GON4L: variants seen among roughly 807,000 people sequenced by gnomAD.
GON4L encodes GON-4-like protein.
A neutral mutation model predicts 211.8 loss-of-function variants in GON4L; 87 were observed. That is an observed-to-expected ratio of 0.41 (90% CI 0.35 to 0.49). GON4L has a LOEUF of 0.49. Ranked by LOEUF, GON4L falls within the 20% of genes least tolerant of loss-of-function variation. GON4L has a pLI of 0.15. For missense variants in GON4L, 2,155 were observed against 2,659.5 expected, an observed-to-expected ratio of 0.81 and a Z score of 4.17; for synonymous variants, 875 against 962.6, an observed-to-expected ratio of 0.91 and a Z score of 1.68.
chr1:155,786,786 T>C (rs937061342), intron 12 of GON4L, among the ~76,000 whole-genome samples: 1 of 152,156 alleles, frequency 6.6e-6, no homozygotes, highest in African/African-American at 2.4e-5. Context: ...ATTTTTTTTT[T>C]TAATAGAGGC....
intron 24 of GON4L, among the ~76,000 whole-genome samples, chr1:155,759,587 A>T (rs867324531): frequency 2.4e-4 from 36 of 148,398 alleles, no homozygotes; most frequent in Non-Finnish European, 2.8e-4. Context: ...AAAAAAAAAA[A>T]TTTTTTTTTT....
chr1:155,750,372 C>G lies in GON4L; in HGVS notation c.*212G>C. 1 of 648,048 alleles carries G rather than the reference C, an allele frequency of 1.5e-6. No individual in the cohort carries two copies. The allele number at this position is 648,048 out of a possible 1,614,324, so 40.1% of individuals were successfully genotyped here. On this transcript the variant is annotated 3_prime_UTR_variant, in exon 32 of 32. Transcript: ENST00000368331. ...TCTCGATGCTATTTACAGAGGACAT[C>G]TGTAAAGTCTTCATAAAAGACCTTG...
Position 155,783,737 on chromosome 1 carries a change from G to A in GON4L, c.1892+249C>T, listed in dbSNP as rs567397688. Among the ~76,000 whole-genome samples the A allele has an allele frequency of 1.2e-4, 19 of 152,262 alleles. 1 individual carries two copies. The East Asian group carries it at 2.5e-3, about 20-fold the overall frequency. ...CATACCTCTCCAGCACCACTCACCC[G>A]GAGAAGTGGATATGGATGCCAGCTA... On this transcript the variant is annotated intron_variant, in intron 14 of 31. Coordinates refer to ENST00000368331, the MANE Select transcript of GON4L (RefSeq NM_001282860.2).
downstream of GON4L, chr1:155,746,834 C>A (rs763350768): frequency 1.9e-6 from 3 of 1,587,448 alleles, no homozygotes; most frequent in East Asian, 6.7e-5. Flanking sequence ...GAACTCTATC[C>A]CAAGAACCCT....
chr1:155,808,976 C>T (rs1472310373), intron 10 of GON4L, among the ~76,000 whole-genome samples: 3 of 152,090 alleles, frequency 2.0e-5, no homozygotes, highest in African/African-American at 7.2e-5. Context: ...TATAGGGGTG[C>T]AGTCATGGCT....
At chr1:155,826,622 G>T (rs1006967888) in intron 3 of GON4L, among the ~76,000 whole-genome samples, 5 of 152,008 alleles carry the variant, frequency 3.3e-5, no homozygotes, top group Admixed American at 3.3e-4. Flanking sequence ...CAGGATAGTG[G>T]TTAACCTATG....
chr1:155,830,886 C>T (rs1474912330), intron 2 of GON4L, among the ~76,000 whole-genome samples: 1 of 152,134 alleles, frequency 6.6e-6, no homozygotes, highest in African/African-American at 2.4e-5. Context: ...TGCCTGACCC[C>T]AAATATTTTT....
chr1:155,829,406 G>A lies in GON4L; in HGVS notation c.506-2378C>T, dbSNP rs554302709. On this transcript the variant is annotated intron_variant, in intron 2 of 31. Coordinates refer to ENST00000368331, the MANE Select transcript of GON4L (RefSeq NM_001282860.2). The stretch of plus-strand genomic sequence containing the variant: ...GGACTGCCTGAGCTCAGGAGTTTGA[G>A]ACCATGCTGGGTAACATGGTAAAAC... Among the ~76,000 whole-genome samples, 190 of 145,450 alleles carry A rather than the reference G, an allele frequency of 1.3e-3. 1 individual carries two copies. The highest frequency in any genetic ancestry group is 4.5e-3 in the African/African-American group (183 of 41,068).
chr1:155,775,193 G>A lies in GON4L; in HGVS notation c.2179-20C>T. The A allele has an allele frequency of 1.2e-6, 2 of 1,614,172 alleles. No homozygotes were observed. Among genetic ancestry groups the A allele is most frequent in the Non-Finnish European group, 1.7e-6 (2 of 1,180,018 alleles). On this transcript the variant is annotated intron_variant, in intron 16 of 31. Transcript: ENST00000368331. ...CTCTTTCTGGGAAAACAGGACACAA[G>A]AAAGATTTAAGACAATTCCAGACAA...
chr1:155,784,186 C>T (rs1664698944), intron 13 of GON4L, 97 bp from the exon 14 acceptor site: 2 of 1,507,630 alleles, frequency 1.3e-6, no homozygotes, highest in East Asian at 4.6e-5. Flanking sequence ...GATTACAAGA[C>T]TATAATAATG....
rs761638183 is a variant in GON4L, at chr1:155,773,144, T to A, written c.2417A>T (p.Tyr806Phe). ...WILATSKVFMYPELLPVCSLK... is the reference protein window; with the variant it reads ...WILATSKVFMFPELLPVCSLK... ...GGAACACACTGGAAGTAACTCTGGA[T>A]ACATGAAAACCTTGCTTGTGGCCAG... The change falls in exon 18 of 32, where the codon TAT becomes TTT. Residue 806 changes from tyrosine to phenylalanine, a missense_variant. Coordinates refer to ENST00000368331, the MANE Select transcript of GON4L (RefSeq NM_001282860.2). 9.3e-6 allele frequency: 15 copies of A among 1,613,816 alleles called. No homozygotes were observed. The highest frequency in any genetic ancestry group is 1.3e-5 in the Non-Finnish European group (15 of 1,179,976).
intron 1 of GON4L, among the ~76,000 whole-genome samples, chr1:155,854,007 C>A (rs1189030044): frequency 2.0e-5 from 3 of 152,198 alleles, no homozygotes; most frequent in Non-Finnish European, 4.4e-5. Context: ...TACTGATGGA[C>A]TACTGTTACC....
intron 2 of GON4L, among the ~76,000 whole-genome samples, chr1:155,847,014 C>T (rs956246728): frequency 6.6e-6 from 1 of 151,468 alleles, no homozygotes; most frequent in Non-Finnish European, 1.5e-5. Flanking sequence ...AACAAAAAAA[C>T]AAAAAAAACA....
chr1:155,809,996 A>AAATTATATACATATATAAT (rs1426968473), intron 10 of GON4L, among the ~76,000 whole-genome samples: 3 of 132,064 alleles, frequency 2.3e-5, no homozygotes, highest in Non-Finnish European at 3.2e-5. Flanking sequence ...ATATAATTAT[A>AAATTATATACATATATAAT]TATATATATA....
At chr1:155,754,938 G>C (rs1037833778) in intron 27 of GON4L, among the ~76,000 whole-genome samples, 8 of 145,836 alleles carry the variant, frequency 5.5e-5, no homozygotes, top group Non-Finnish European at 9.0e-5. Flanking sequence ...ATAAGGTCTG[G>C]CTCTGTCACC....
At chr1:155,809,253 T>C (rs1667453485) in intron 10 of GON4L, among the ~76,000 whole-genome samples, 1 of 152,154 alleles carries the variant, frequency 6.6e-6, no homozygotes, top group African/African-American at 2.4e-5. Flanking sequence ...TCATATTTCC[T>C]CATTTTAATT....
At chr1:155,849,986 T>TA (rs367553803) in intron 2 of GON4L, among the ~76,000 whole-genome samples, 8,073 of 124,182 alleles carry the variant, frequency 0.065, 331 homozygotes, top group African/African-American at 0.11. Context: ...ATTCTGCTCT[T>TA]AAAAAAAAAA....
intron 2 of GON4L, among the ~76,000 whole-genome samples, chr1:155,851,738 G>A (rs1264332076): frequency 6.6e-6 from 1 of 150,982 alleles, no homozygotes; most frequent in African/African-American, 2.4e-5. Flanking sequence ...AATAAGAGAA[G>A]TTGGTATCTT....
intron 2 of GON4L, among the ~76,000 whole-genome samples, chr1:155,839,057 A>G (rs908967460): frequency 9.2e-5 from 14 of 152,242 alleles, no homozygotes; most frequent in African/African-American, 3.4e-4. Context: ...AACTTACCAA[A>G]GAAGATGTGT....
Sources: gnomAD v4.1 joint callset for allele counts (sites outside exome capture counted in the v4.1 genomes callset) on GRCh38, gnomAD v4.1.1 for gene constraint, MANE v1.5 for transcripts, NCBI Gene and HGNC (gene_info 2026-07-23, HGNC 2026-07-21) for gene names.